SEMA6D: variants seen among roughly 807,000 people sequenced by gnomAD.
SEMA6D encodes semaphorin 6D.
A neutral mutation model predicts 106.6 loss-of-function variants in SEMA6D; 35 were observed. The observed-to-expected ratio is 0.33, with a 90% CI of 0.25 to 0.44. SEMA6D has a LOEUF of 0.44. Among genes scored for constraint, SEMA6D ranks in the 20% least tolerant of loss-of-function variants. The pLI, the probability that SEMA6D is intolerant of heterozygous loss-of-function variation, is 1.00. For synonymous variants in SEMA6D, 499 were observed against 487.7 expected (o/e 1.02, Z -0.31); for missense variants, 1,185 against 1,345.9 (o/e 0.88, Z 1.87).
chr15:47,751,429 G>A (rs2081428634), intron 1 of SEMA6D, among the ~76,000 whole-genome samples: 1 of 152,044 alleles, frequency 6.6e-6, no homozygotes, highest in African/African-American at 2.4e-5. Context: ...ACCCATAGTT[G>A]GTAAATGGAT....
chr15:47,337,959 C>T (rs77144407), intron 1 of SEMA6D, among the ~76,000 whole-genome samples: 6,203 of 152,224 alleles, frequency 0.041, 201 homozygotes, highest in South Asian at 0.12. Flanking sequence ...TGATGGAGGT[C>T]GGTTTTGCCT....
At chr15:47,654,274 G>A (rs771786609) in intron 4 of SEMA6D, among the ~76,000 whole-genome samples, 2 of 152,068 alleles carry the variant, frequency 1.3e-5, no homozygotes, top group Non-Finnish European at 2.9e-5. Flanking sequence ...CAACTCCCTG[G>A]TGCAGTCAAA....
intron 1 of SEMA6D, among the ~76,000 whole-genome samples, chr15:47,235,759 T>A (rs1385751296): frequency 6.6e-6 from 1 of 152,144 alleles, no homozygotes; most frequent in East Asian, 1.9e-4. Context: ...ATGTGATACC[T>A]CCAGATTTGT....
chr15:47,370,683 TAAAAAAAA>T (rs376454672), intron 1 of SEMA6D, among the ~76,000 whole-genome samples: 2 of 95,188 alleles, frequency 2.1e-5, no homozygotes, highest in Admixed American at 2.7e-4. Context: ...CGTCTCTACT[TAAAAAAAA>T]AAAAAAAAAA....
intron 3 of SEMA6D, among the ~76,000 whole-genome samples, chr15:47,536,794 C>G (rs2045181553): frequency 6.6e-6 from 1 of 152,068 alleles, no homozygotes; most frequent in Admixed American, 6.5e-5. Context: ...TTGTACAAGG[C>G]AGAAGTCATA....
At chr15:47,299,018 A>G (rs1426958895) in intron 1 of SEMA6D, among the ~76,000 whole-genome samples, 1 of 152,184 alleles carries the variant, frequency 6.6e-6, no homozygotes, top group African/African-American at 2.4e-5. Context: ...GTCCAAGGCC[A>G]TGGAATAGGT....
At chr15:47,286,102 C>G (rs1056835369) in intron 1 of SEMA6D, among the ~76,000 whole-genome samples, 9 of 152,174 alleles carry the variant, frequency 5.9e-5, no homozygotes, top group African/African-American at 2.2e-4. Context: ...CTTTAGGACT[C>G]TGGGTTGGAC....
At chr15:47,382,048 C>G (rs998314434) in intron 1 of SEMA6D, among the ~76,000 whole-genome samples, 2 of 152,104 alleles carry the variant, frequency 1.3e-5, no homozygotes, top group African/African-American at 4.8e-5. Context: ...GGCAAGGAAC[C>G]ATTTGATGAA....
intron 4 of SEMA6D, among the ~76,000 whole-genome samples, chr15:47,701,833 G>A (rs2078819032): frequency 6.6e-6 from 1 of 152,080 alleles, no homozygotes; most frequent in East Asian, 1.9e-4. Flanking sequence ...CCCCCACCTG[G>A]TTCTTCAGGC....
chr15:47,302,630 G>A (rs1122513), intron 1 of SEMA6D, among the ~76,000 whole-genome samples: 74 of 152,292 alleles, frequency 4.9e-4, no homozygotes, highest in African/African-American at 1.8e-3. Flanking sequence ...AGTCACCAGT[G>A]AGAGAAGGGG....
chr15:47,507,658 AT>A (rs2044093179), intron 3 of SEMA6D, among the ~76,000 whole-genome samples: 1 of 152,220 alleles, frequency 6.6e-6, no homozygotes, highest in African/African-American at 2.4e-5. Flanking sequence ...AGGCTGTTAT[AT>A]TTAAGGTCCA....
intron 4 of SEMA6D, among the ~76,000 whole-genome samples, chr15:47,687,019 T>C (rs758373612): frequency 6.7e-6 from 1 of 150,288 alleles, no homozygotes; most frequent in Non-Finnish European, 1.5e-5. Context: ...GGAGCTATGA[T>C]TGTACCACTG....
chr15:47,298,367 C>T (rs2035887318), intron 1 of SEMA6D, among the ~76,000 whole-genome samples: 1 of 151,564 alleles, frequency 6.6e-6, no homozygotes, highest in Admixed American at 6.6e-5. Context: ...AGCATACACA[C>T]CTATATTCTA....
At chr15:47,345,516 T>A (rs960515312) in intron 1 of SEMA6D, among the ~76,000 whole-genome samples, 9 of 151,936 alleles carry the variant, frequency 5.9e-5, no homozygotes, top group South Asian at 2.1e-4. Flanking sequence ...CAAAAAAAAA[T>A]TTTGATTTAT....
intron 1 of SEMA6D, among the ~76,000 whole-genome samples, chr15:47,315,822 C>T (rs951997666): frequency 6.6e-6 from 1 of 151,752 alleles, no homozygotes; most frequent in African/African-American, 2.4e-5. Context: ...TAGATTTTTA[C>T]CTAGGTATTT....
intron 3 of SEMA6D, among the ~76,000 whole-genome samples, chr15:47,539,801 T>C (rs905560477): frequency 6.6e-6 from 1 of 152,120 alleles, no homozygotes; most frequent in Non-Finnish European, 1.5e-5. Context: ...TGCAAAGAAA[T>C]ATAGCCAAAA....
rs1291386640 is a variant in SEMA6D, at chr15:47,290,601, A to G, written c.-239+106183A>G. ...GATTTATATTAATTACTACAAATATATAACATCAATTTAATTATATATATA... is the reference window on the plus strand; with the variant it reads ...GATTTATATTAATTACTACAAATATGTAACATCAATTTAATTATATATATA... On this transcript the variant is annotated intron_variant, in intron 1 of 19. Transcript: ENST00000558014. 2.1e-5 allele frequency among the ~76,000 whole-genome samples: 3 copies of G among 144,382 alleles called. 1 individual carries two copies. Among genetic ancestry groups the G allele is most frequent in the Non-Finnish European group, 4.5e-5 (3 of 66,816 alleles). The allele number at this position is 144,382 out of a possible 152,430, so 94.7% of individuals were successfully genotyped here.
intron 4 of SEMA6D, among the ~76,000 whole-genome samples, chr15:47,647,469 T>C (rs936721922): frequency 5.9e-5 from 9 of 152,204 alleles, no homozygotes; most frequent in African/African-American, 1.9e-4. Flanking sequence ...AAAGAAGTAT[T>C]GAGTATTTTT....
At chr15:47,586,497 T>C (rs2076342526) in intron 3 of SEMA6D, among the ~76,000 whole-genome samples, 1 of 152,186 alleles carries the variant, frequency 6.6e-6, no homozygotes, top group Admixed American at 6.5e-5. Context: ...TTTATCTACT[T>C]CTCAGATTGG....
Sources: allele counts gnomAD v4.1 joint callset (sites outside exome capture counted in the v4.1 genomes callset), GRCh38; gene constraint gnomAD v4.1.1; transcripts MANE v1.5; gene names NCBI Gene and HGNC (gene_info 2026-07-23, HGNC 2026-07-21).